NRIP1: variants seen among roughly 807,000 people sequenced by gnomAD.
NRIP1 encodes the protein nuclear receptor interacting protein 1, also known as nuclear receptor-interacting protein 1.
A neutral mutation model predicts 75.0 loss-of-function variants in NRIP1; 28 were observed. The observed-to-expected ratio is 0.37, with a 90% CI of 0.28 to 0.51. The LOEUF (loss-of-function observed/expected upper bound fraction) is 0.51, where lower values mean the gene tolerates loss of function less well. NRIP1 is among the 20% of genes least tolerant of loss of function. NRIP1 has a pLI of 0.92. For synonymous variants in NRIP1, 526 were observed against 487.6 expected (o/e 1.08, Z -1.04); for missense variants, 1,435 against 1,343.7 (o/e 1.07, Z -1.06).
intron 3 of NRIP1, among the ~76,000 whole-genome samples, chr21:15,010,486 C>G (rs2088076401): frequency 6.6e-6 from 1 of 151,594 alleles, no homozygotes; most frequent in Non-Finnish European, 1.5e-5. Flanking sequence ...ATCTTCCTCC[C>G]CAAACAACGT....
chr21:14,961,440 T>A lies in NRIP1; in HGVS notation c.*3276A>T, dbSNP rs537833263. On this transcript the variant is annotated 3_prime_UTR_variant, in exon 4 of 4. Coordinates refer to ENST00000318948, the MANE Select transcript of NRIP1 (RefSeq NM_003489.4). ...TGTGTAAACACCAGAATTCTTACTA[T>A]GAATGGTAATGTGCCTATATTCCAG... 60 of 152,552 alleles carry A rather than the reference T, an allele frequency of 3.9e-4. 1 individual carries two copies. The highest frequency in any genetic ancestry group is 1.4e-3 in the African/African-American group (60 of 41,544). 9.4% of individuals were successfully genotyped at this position (152,552 alleles called of 1,614,324 possible).
At chr21:14,988,511 G>GTA (rs1230428673) in intron 3 of NRIP1, among the ~76,000 whole-genome samples, 2 of 144,016 alleles carry the variant, frequency 1.4e-5, no homozygotes, top group Non-Finnish European at 3.0e-5. Context: ...GTGTGTGTGT[G>GTA]TGTGTGTATA....
intron 3 of NRIP1, among the ~76,000 whole-genome samples, chr21:14,973,652 G>A (rs576367359): frequency 1.6e-4 from 24 of 150,822 alleles, no homozygotes; most frequent in Admixed American, 1.3e-3. Context: ...CAGTATTATC[G>A]TCTTAAGTGA....
Position 14,964,585 on chromosome 21 carries a change from C to A in NRIP1, c.*131G>T, listed in dbSNP as rs1221110960. 1.4e-6 allele frequency: 1 copy of A among 736,308 alleles called. No individual in the cohort carries two copies. The highest frequency in any genetic ancestry group is 2.1e-6 in the Non-Finnish European group (1 of 469,188). 45.6% of individuals were successfully genotyped at this position (736,308 alleles called of 1,614,324 possible). ...ATGCATATTTCAACATCACCAGTAA[C>A]CAATACTTTTCAAAATGAAAAAAGT... On this transcript the variant is annotated 3_prime_UTR_variant, in exon 4 of 4. Transcript: ENST00000318948.
chr21:15,002,486 A>ACG (rs2087871936), intron 3 of NRIP1: 1 of 152,220 alleles, frequency 6.6e-6, no homozygotes, highest in African/African-American at 2.4e-5. Context: ...ACACACACAC[A>ACG]CACGCACCCA....
chr21:15,039,508 G>C (rs1411901822), intron 2 of NRIP1, among the ~76,000 whole-genome samples: 2 of 152,084 alleles, frequency 1.3e-5, no homozygotes, highest in Non-Finnish European at 2.9e-5. Flanking sequence ...ATGGTTTATA[G>C]TCTTGATTTA....
At chr21:15,007,044 G>C (rs1275086031) in intron 3 of NRIP1, among the ~76,000 whole-genome samples, 1 of 152,200 alleles carries the variant, frequency 6.6e-6, no homozygotes, top group African/African-American at 2.4e-5. Context: ...GCAAGGAAGA[G>C]CTGAGTGTGA....
intron 3 of NRIP1, among the ~76,000 whole-genome samples, chr21:15,000,456 C>G (rs908629449): frequency 6.6e-6 from 1 of 151,932 alleles, no homozygotes; most frequent in Non-Finnish European, 1.5e-5. Context: ...ATCTTCCACT[C>G]CATCAAAAAA....
Position 14,995,794 on chromosome 21 carries a change from T to G in NRIP1, c.-335+18550A>C, listed in dbSNP as rs1417556839. Reference sequence around the variant, plus strand: ...GTGTGTGTGTGTGTGTGTGTATTACTGTACTCACTTCCTAACTGGCCCTCC... The same window carrying G: ...GTGTGTGTGTGTGTGTGTGTATTACGGTACTCACTTCCTAACTGGCCCTCC... On this transcript the variant is annotated intron_variant, in intron 3 of 3. Coordinates refer to ENST00000318948, the MANE Select transcript of NRIP1 (RefSeq NM_003489.4). 2.0e-5 allele frequency among the ~76,000 whole-genome samples: 3 copies of G among 152,068 alleles called. No homozygotes were observed. The East Asian group carries it at 5.8e-4, about 29-fold the overall frequency.
At position 14,967,379 on chromosome 21, in the gene NRIP1, T is replaced by C; in HGVS notation, c.814A>G (p.Ser272Gly). ...GAATACTGCTGCAAATGGGCTTCGC[T>C]TGACAGAAGTAATGCTAACTGGCTA... ...ACSQLALLLS[S>G]EAHLQQYSRE... The change falls in exon 4 of 4, where the codon AGC becomes GGC. Residue 272 changes from serine to glycine, a missense_variant. Physicochemically the swap from Ser to Gly is moderately conservative, Grantham distance 56. Transcript: ENST00000318948. The C allele has an allele frequency of 6.2e-7, 1 of 1,614,150 alleles. No individual in the cohort carries two copies.
chr21:15,050,793 C>T (rs746750300), intron 1 of NRIP1: 9 of 455,958 alleles, frequency 2.0e-5, no homozygotes, highest in East Asian at 6.9e-5. Flanking sequence ...AAGGACTCAG[C>T]GTGCCTTTCA....
intron 2 of NRIP1, among the ~76,000 whole-genome samples, chr21:15,019,204 T>G (rs1185804158): frequency 6.7e-6 from 1 of 148,798 alleles, no homozygotes; most frequent in Admixed American, 6.7e-5. Flanking sequence ...CTTTCTAAGA[T>G]AATTGCCTAC....
At chr21:14,976,244 T>C (rs904909963) in intron 3 of NRIP1, among the ~76,000 whole-genome samples, 3 of 152,116 alleles carry the variant, frequency 2.0e-5, no homozygotes, top group African/African-American at 7.2e-5. Context: ...CATCATGTGG[T>C]GGAAAAAATC....
chr21:14,978,026 A>C (rs1190494626), intron 3 of NRIP1, among the ~76,000 whole-genome samples: 1 of 152,220 alleles, frequency 6.6e-6, no homozygotes, highest in African/African-American at 2.4e-5. Context: ...TGCAACCTGA[A>C]GGACTTAATT....
At chr21:15,059,518 T>C (rs1379719709) in intron 1 of NRIP1, among the ~76,000 whole-genome samples, 1 of 151,358 alleles carries the variant, frequency 6.6e-6, no homozygotes, top group Non-Finnish European at 1.5e-5. Flanking sequence ...GTATTGAAAG[T>C]GGAAAGAAGG....
rs1299896938 is a variant in NRIP1 at position 14,963,102 on chromosome 21, T to C, written c.*1614A>G. ...TCAACATGTACTTTTCATCACTACTTTAAAGTAAAAGATCCAATGGAGTGA... is the reference window on the plus strand; with the variant it reads ...TCAACATGTACTTTTCATCACTACTCTAAAGTAAAAGATCCAATGGAGTGA... On this transcript the variant is annotated 3_prime_UTR_variant, in exon 4 of 4. Coordinates refer to ENST00000318948, the MANE Select transcript of NRIP1 (RefSeq NM_003489.4). 1 of 152,230 alleles carries C rather than the reference T, an allele frequency of 6.6e-6. No homozygotes were observed. The highest frequency in any genetic ancestry group is 1.5e-5 in the Non-Finnish European group (1 of 67,920). The allele number at this position is 152,230 out of a possible 1,614,324, so 9.4% of individuals were successfully genotyped here.
At chr21:15,042,750 G>A (rs1297289312) in intron 2 of NRIP1, among the ~76,000 whole-genome samples, 3 of 152,182 alleles carry the variant, frequency 2.0e-5, no homozygotes, top group Admixed American at 6.5e-5. Flanking sequence ...CCAGAACTGT[G>A]AGAAATAAAC....
At chr21:14,984,433 G>T (rs1479976920) in intron 3 of NRIP1, among the ~76,000 whole-genome samples, 1 of 151,562 alleles carries the variant, frequency 6.6e-6, no homozygotes, top group East Asian at 1.9e-4. Context: ...AAAGTGCAGG[G>T]ATTACAGGCA....
At chr21:14,973,470 A>G (rs553632691) in intron 3 of NRIP1, among the ~76,000 whole-genome samples, 1 of 152,158 alleles carries the variant, frequency 6.6e-6, no homozygotes, top group Non-Finnish European at 1.5e-5. Flanking sequence ...TACAACGAGA[A>G]AAAAGTAAAA....
Sources: allele counts gnomAD v4.1 joint callset (sites outside exome capture counted in the v4.1 genomes callset), GRCh38; gene constraint gnomAD v4.1.1; transcripts MANE v1.5; gene names NCBI Gene and HGNC (gene_info 2026-07-23, HGNC 2026-07-21).